Variants in DBNL observed in about 807,000 individuals in gnomAD.
The protein encoded by DBNL is drebrin-like protein.
A neutral mutation model predicts 62.2 loss-of-function variants in DBNL; 35 were observed. That is an observed-to-expected ratio of 0.56 (90% CI 0.43 to 0.75). The LOEUF is 0.75. Among genes scored for constraint, DBNL ranks in the 30% least tolerant of loss-of-function variants. DBNL has a pLI of 0.00. For missense variants in DBNL, 495 were observed against 578.4 expected, an observed-to-expected ratio of 0.86 and a Z score of 1.48; for synonymous variants, 197 against 218.0, an observed-to-expected ratio of 0.90 and a Z score of 0.85.
chr7:44,064,619 C>G lies in DBNL; in HGVS notation c.*3703C>G. The G allele has an allele frequency of 1.7e-6, 1 of 590,220 alleles. No individual in the cohort carries two copies. The highest frequency in any genetic ancestry group is 3.0e-6 in the Non-Finnish European group (1 of 329,968). 36.6% of individuals were successfully genotyped at this position (590,220 alleles called of 1,614,324 possible). ...CTCGGGACACAGCGAGCTTCGAGTG[C>G]AGTCAGCCCCTGTGGAGTGTGTCCC... On this transcript the variant is annotated 3_prime_UTR_variant, in exon 13 of 13. Coordinates refer to ENST00000448521, the MANE Select transcript of DBNL (RefSeq NM_001014436.3).
rs544519339 is a variant in DBNL, at chr7:44,060,592, T to C, written c.1154-185T>C. ...GGGTATGCCCTGGGGGTGTGGTCAC[T>C]GGAGCCGCATTGGGACAGGGTGCAG... is the stretch of plus-strand genomic sequence containing the variant. On this transcript the variant is annotated intron_variant, in intron 12 of 12. Transcript: ENST00000448521. The surrounding 1 kb of genome is among the most constrained non-coding windows in gnomAD (Gnocchi z 6.3). 3.3e-5 allele frequency among the ~76,000 whole-genome samples: 5 copies of C among 152,218 alleles called. No homozygotes were observed. The South Asian group carries it at 8.3e-4, about 25-fold the overall frequency.
chr7:44,052,064 C>T, intron 3 of DBNL, 122 bp downstream of exon 3: 1 of 758,310 alleles, frequency 1.3e-6, no homozygotes, highest in Non-Finnish European at 2.2e-6. Flanking sequence ...AATAGAACAG[C>T]TCTGAGCTGG....
rs2096151347 is a variant in DBNL at position 44,062,684 on chromosome 7, G to A, written c.*1768G>A. 6.8e-7 allele frequency: 1 copy of A among 1,476,012 alleles called. No homozygotes were observed. The highest frequency in any genetic ancestry group is 9.4e-7 in the Non-Finnish European group (1 of 1,066,152). 91.4% of individuals were successfully genotyped at this position (1,476,012 alleles called of 1,614,324 possible). A position where few individuals can be genotyped will look rare whatever the true frequency, so the allele number is the denominator to read the frequency against. Reference sequence around the variant, plus strand: ...TGGTTCTGGAGTCCCCACAGCTGATGGCGGTGTGAGCCTGGCATGCACGGC... The same window carrying A: ...TGGTTCTGGAGTCCCCACAGCTGATAGCGGTGTGAGCCTGGCATGCACGGC... On this transcript the variant is annotated 3_prime_UTR_variant, in exon 13 of 13. Coordinates refer to ENST00000448521, the MANE Select transcript of DBNL (RefSeq NM_001014436.3).
intron 1 of DBNL, among the ~76,000 whole-genome samples, chr7:44,046,934 C>T (rs1458219706): frequency 6.6e-6 from 1 of 152,220 alleles, no homozygotes; most frequent in Non-Finnish European, 1.5e-5. Flanking sequence ...CCGTCTTTCT[C>T]TTCCTCAAAC....
Position 44,060,856 on chromosome 7 carries a change from C to T in DBNL, c.1233C>T (p.Gly411=), listed in dbSNP as rs1488966136. ...TGATCGACGAAGGCTGGTGGCGTGG[C>T]TATGGGCCGGATGGCCATTTTGGCA... is the stretch of plus-strand genomic sequence containing the variant. ...IEVIDEGWWR[G]YGPDGHFGMF... Residue 411 remains glycine (G), a synonymous_variant, in exon 13 of 13, where the codon GGC becomes GGT. Transcript: ENST00000448521. This position sits in a 1 kb window ranked among gnomAD's most constrained non-coding sequence, Gnocchi z 6.3. 4.3e-6 allele frequency: 7 copies of T among 1,614,114 alleles called. No homozygotes were observed. Among genetic ancestry groups the T allele is most frequent in the Non-Finnish European group, 5.9e-6 (7 of 1,180,000 alleles).
At chr7:44,055,761 A>AT (rs2096135142) in intron 4 of DBNL, among the ~76,000 whole-genome samples, 1 of 152,064 alleles carries the variant, frequency 6.6e-6, no homozygotes, top group Admixed American at 6.6e-5. Context: ...TCAGATTATT[A>AT]TTTTTTTGCT....
rs1220901183 is a variant in DBNL at position 44,065,235 on chromosome 7, T to C, written c.*4319T>C. ...TGCTTGGCGGCCGTTTCTGCCTTGT[T>C]GAGGCCTGTGAGGCCCCCGTAATGC... On this transcript the variant is annotated 3_prime_UTR_variant, in exon 13 of 13. Coordinates refer to ENST00000448521, the MANE Select transcript of DBNL (RefSeq NM_001014436.3). The C allele has an allele frequency of 6.2e-7, 1 of 1,613,984 alleles. No homozygotes were observed. The highest frequency in any genetic ancestry group is 2.2e-5 in the East Asian group (1 of 44,886).
At chr7:44,057,197 G>A (rs112390364) in intron 5 of DBNL, among the ~76,000 whole-genome samples, 1 of 152,228 alleles carries the variant, frequency 6.6e-6, no homozygotes, top group Non-Finnish European at 1.5e-5. Flanking sequence ...CTGCCCTCAA[G>A]GTCATGGCAC....
rs752816484 is a variant in DBNL at position 44,060,908 on chromosome 7, A to T, written c.1285A>T (p.Ile429Phe). Residue 429 changes from isoleucine to phenylalanine, a missense_variant, in exon 13 of 13, where the codon ATT (isoleucine) becomes TTT (phenylalanine). By Grantham distance (21) the Ile-to-Phe change is conservative (BLOSUM62 0). Transcript: ENST00000448521. The surrounding 1 kb of genome is among the most constrained non-coding windows in gnomAD (Gnocchi z 6.3). ...GMFPANYVEL[I>F]E The stretch of plus-strand genomic sequence containing the variant: ...GTTCCCTGCCAACTACGTGGAGCTC[A>T]TTGAGTGAGGCTGAGGGCACATCTT... The T allele has an allele frequency of 1.1e-5, 17 of 1,613,798 alleles. No homozygotes were observed. Among genetic ancestry groups the T allele is most frequent in the Non-Finnish European group, 1.4e-5 (17 of 1,179,944 alleles).
chr7:44,057,703 A>C, intron 5 of DBNL, 79 bp from the exon 6 acceptor site: 1 of 1,531,742 alleles, frequency 6.5e-7, no homozygotes, highest in Non-Finnish European at 9.0e-7. Context: ...TCGCAAGTTT[A>C]GCGTATTCTC....
rs770215432 is a variant in DBNL, at chr7:44,044,814, C to A, written c.77C>A (p.Thr26Asn). 6.8e-7 allele frequency: 1 copy of A among 1,480,128 alleles called. No individual in the cohort carries two copies. The highest frequency in any genetic ancestry group is 9.0e-7 in the Non-Finnish European group (1 of 1,114,526). The allele number at this position is 1,480,128 out of a possible 1,614,324, so 91.7% of individuals were successfully genotyped here. ...YVRVVTEKSP[T>N]DWALFTYEGN... ...CGGGTGGTCACCGAGAAGTCCCCGACCGACTGGTGGGCGGCGAGACGGGCC... is the reference window on the plus strand; with the variant it reads ...CGGGTGGTCACCGAGAAGTCCCCGAACGACTGGTGGGCGGCGAGACGGGCC... The change falls in exon 1 of 13, where the codon ACC (threonine) becomes AAC (asparagine). Residue 26 changes from threonine to asparagine, a missense_variant. By Grantham distance (65) the Thr-to-Asn change is moderately conservative. Coordinates refer to ENST00000448521, the MANE Select transcript of DBNL (RefSeq NM_001014436.3).
At chr7:44,057,950 A>T (rs2096139538) in intron 6 of DBNL, 91 bp downstream of exon 6, 2 of 1,573,978 alleles carry the variant, frequency 1.3e-6, no homozygotes, top group Non-Finnish European at 1.7e-6. Flanking sequence ...TGCAGCATCC[A>T]CTCTCCTTGG....
chr7:44,051,906 C>T lies in DBNL; in HGVS notation c.216C>T (p.Pro72=). ...VMYAFCRVKD[P]NSGLPKFVLI... Reference sequence around the variant, plus strand: ...ACGCCTTCTGCAGAGTGAAGGACCCCAACTCTGGACTGCCCAAATTTGTCC... The same window carrying T: ...ACGCCTTCTGCAGAGTGAAGGACCCTAACTCTGGACTGCCCAAATTTGTCC... Residue 72 remains proline, a synonymous_variant, in exon 3 of 13, where the codon CCC becomes CCT. Transcript: ENST00000448521. The T allele has an allele frequency of 6.2e-7, 1 of 1,614,162 alleles. No homozygotes were observed. The highest frequency in any genetic ancestry group is 8.5e-7 in the Non-Finnish European group (1 of 1,180,018).
chr7:44,053,439 CT>C (rs1212385656), intron 4 of DBNL, among the ~76,000 whole-genome samples: 2 of 152,126 alleles, frequency 1.3e-5, no homozygotes, highest in Non-Finnish European at 2.9e-5. Flanking sequence ...TGTCAGGTAA[CT>C]TTTTGCATTT....
Position 44,064,703 on chromosome 7 carries a change from T to C in DBNL, c.*3787T>C, listed in dbSNP as rs1020610845. On this transcript the variant is annotated 3_prime_UTR_variant, in exon 13 of 13. Coordinates refer to ENST00000448521, the MANE Select transcript of DBNL (RefSeq NM_001014436.3). ...TAAAAAATGGCTTCTCAGCCCTCCTTTTTCAGTGAATGATGTGGAGCCCCA... is the reference window on the plus strand; with the variant it reads ...TAAAAAATGGCTTCTCAGCCCTCCTCTTTCAGTGAATGATGTGGAGCCCCA... 15 of 851,190 alleles carry C rather than the reference T, an allele frequency of 1.8e-5. 1 individual carries two copies. In the Admixed American group the frequency reaches 3.4e-4, roughly 19 times the overall value. 52.7% of individuals were successfully genotyped at this position (851,190 alleles called of 1,614,324 possible). A position where few individuals can be genotyped will look rare whatever the true frequency, so the allele number is the denominator to read the frequency against.
In DBNL at chr7:44,065,480, T is replaced by C; in HGVS notation, c.*4564T>C. 1 of 1,614,118 alleles carries C rather than the reference T, an allele frequency of 6.2e-7. No homozygotes were observed. Among genetic ancestry groups the C allele is most frequent in the Non-Finnish European group, 8.5e-7 (1 of 1,180,032 alleles). On this transcript the variant is annotated 3_prime_UTR_variant, in exon 13 of 13. Coordinates refer to ENST00000448521, the MANE Select transcript of DBNL (RefSeq NM_001014436.3). ...CCAGCCACAGAAACGGTTCTCCTGG[T>C]TCCATGTGCTCTCGCCGTGCCGGAC...
intron 4 of DBNL, 95 bp from the exon 5 acceptor site, chr7:44,056,647 ATTCCAGTCCTGTGTG>A (rs2096136882): frequency 1.1e-5 from 16 of 1,428,170 alleles, no homozygotes; most frequent in Non-Finnish European, 1.5e-5. Context: ...TAGTTTCCTG[ATTCCAGTCCTGTGTG>A]GTATAGTAGT....
In DBNL at chr7:44,058,960, C is replaced by T; in HGVS notation, c.812C>T (p.Thr271Ile). The T allele has an allele frequency of 6.2e-7, 1 of 1,614,010 alleles. No individual in the cohort carries two copies. The highest frequency in any genetic ancestry group is 8.5e-7 in the Non-Finnish European group (1 of 1,179,980). Residue 271 changes from threonine (T) to isoleucine (I), a missense_variant, in exon 9 of 13, where the codon ACC (threonine) becomes ATC (isoleucine). Physicochemically the swap from Thr to Ile is moderately conservative, Grantham distance 89. Coordinates refer to ENST00000448521, the MANE Select transcript of DBNL (RefSeq NM_001014436.3). ...FKQKERAMST[T>I]SISSPQPGKL... is the part of the protein sequence containing the mutation. ...CAGAAGGAGAGGGCCATGTCCACCACCTCCATCTCCAGTCCTCAGCCTGGT... is the reference window on the plus strand; with the variant it reads ...CAGAAGGAGAGGGCCATGTCCACCATCTCCATCTCCAGTCCTCAGCCTGGT...
At position 44,065,460 on chromosome 7, in the gene DBNL, C is replaced by T. The variant is rs2096158125; in HGVS notation, c.*4544C>T. ...TCACTCAGCTCTGCATCGAACCAGC[C>T]ACAGAAACGGTTCTCCTGGTTCCAT... On this transcript the variant is annotated 3_prime_UTR_variant, in exon 13 of 13. Coordinates refer to ENST00000448521, the MANE Select transcript of DBNL (RefSeq NM_001014436.3). The T allele has an allele frequency of 3.2e-5, 51 of 1,614,046 alleles. No individual in the cohort carries two copies. Among genetic ancestry groups the T allele is most frequent in the Non-Finnish European group, 4.3e-5 (51 of 1,180,046 alleles).
Sources: allele counts gnomAD v4.1 joint callset (sites outside exome capture counted in the v4.1 genomes callset), GRCh38; gene constraint gnomAD v4.1.1; non-coding constraint Gnocchi (gnomAD v3.1); transcripts MANE v1.5; gene names NCBI Gene and HGNC (gene_info 2026-07-23, HGNC 2026-07-21).